The following IRF8 variants were observed in gnomAD, a reference collection of about 807,000 sequenced individuals.
IRF8 encodes the protein interferon consensus sequence binding protein 1.
In IRF8, 14 loss-of-function variants were observed where a neutral mutation model predicts 48.7. That is an observed-to-expected ratio of 0.29 (90% CI 0.19 to 0.45). The LOEUF (loss-of-function observed/expected upper bound fraction) is 0.45. Among genes scored for constraint, IRF8 ranks in the 20% least tolerant of loss-of-function variants. The pLI is 1.00. For synonymous variants in IRF8, 278 were observed against 227.3 expected, an observed-to-expected ratio of 1.22 and a Z score of -2.01; for missense variants, 493 against 580.7, an observed-to-expected ratio of 0.85 and a Z score of 1.55.
rs140514602 is a variant in IRF8 at position 85,914,488 on chromosome 16, C to G, written c.569C>G (p.Thr190Arg). The G allele has an allele frequency of 2.1e-5, 34 of 1,614,100 alleles. No homozygotes were observed. The highest frequency in any genetic ancestry group is 2.9e-5 in the Non-Finnish European group (34 of 1,179,984). Residue 190 changes from threonine (T) to arginine (R), a missense_variant, in exon 6 of 9, where the codon ACG (threonine) becomes AGG (arginine). By Grantham distance (71) the Thr-to-Arg change is moderately conservative. Coordinates refer to ENST00000268638, the MANE Select transcript of IRF8 (RefSeq NM_002163.4). The stretch of plus-strand genomic sequence containing the variant: ...TCTCCTGCAGGCGTGCCGCTGGTGA[C>G]GGGGTACACCACCTACGACGCGCAC... Reference protein sequence around the residue: ...QQPSTGVPLVTGYTTYDAHHS... With the variant: ...QQPSTGVPLVRGYTTYDAHHS...
At position 85,908,996 on chromosome 16, in the gene IRF8, G is replaced by A; in HGVS notation, c.181G>A (p.Ala61Thr). 1 of 1,613,806 alleles carries A rather than the reference G, an allele frequency of 6.2e-7. No homozygotes were observed. Among genetic ancestry groups the A allele is most frequent in the Non-Finnish European group, 8.5e-7 (1 of 1,179,724 alleles). The change falls in exon 3 of 9, where the codon GCA becomes ACA. Residue 61 changes from alanine to threonine, a missense_variant. This residue lies in a region of IRF8 where 31 missense variants were observed against 71.2 expected (regional missense o/e 0.44). Transcript: ENST00000268638. Reference protein sequence around the residue: ...EVDASIFKAWAVFKGKFKEGD... With the variant: ...EVDASIFKAWTVFKGKFKEGD... ...CTTCTGTTTCTTTCTTCAGGCCTGG[G>A]CAGTTTTTAAAGGGAAGTTTAAAGA...
chr16:85,913,585 C>T (rs529193243), intron 5 of IRF8, among the ~76,000 whole-genome samples: 1 of 152,210 alleles, frequency 6.6e-6, no homozygotes, highest in Non-Finnish European at 1.5e-5. Context: ...GCCACGCTGG[C>T]GCCCCCTCCC....
Position 85,902,545 on chromosome 16 carries a change from C to A in IRF8, c.-1-470C>A, listed in dbSNP as rs925359338. The A allele has an allele frequency of 5.2e-5, 12 of 229,858 alleles. No individual in the cohort carries two copies. In the East Asian group the frequency reaches 8.1e-4, roughly 16 times the overall value. The allele number at this position is 229,858 out of a possible 1,614,324, so 14.2% of individuals were successfully genotyped here. On this transcript the variant is annotated intron_variant, in intron 1 of 8. Coordinates refer to ENST00000268638, the MANE Select transcript of IRF8 (RefSeq NM_002163.4). ...CCTCCTCTTTCCCAGACGGCACGGA[C>A]GCAGTATTCTATCAGGGAATGTGGG...
At position 85,920,110 on chromosome 16, in the gene IRF8, G is replaced by A. The variant is rs1394142597; in HGVS notation, c.990G>A (p.Glu330=). The A allele has an allele frequency of 6.2e-7, 1 of 1,611,694 alleles. No homozygotes were observed. The highest frequency in any genetic ancestry group is 1.7e-5 in the Admixed American group (1 of 60,024). ...CACCCTCTGCCTGTGTCATTCCAGA[G>A]CTGCAGCAGTTCTATAACAGCCAGG... ...QVFDTSQFFR[E]LQQFYNSQGR... Residue 330 remains glutamate (E), a splice_region_variant and synonymous_variant, in exon 8 of 9, where the codon GAG becomes GAA. Coordinates refer to ENST00000268638, the MANE Select transcript of IRF8 (RefSeq NM_002163.4).
chr16:85,900,775 T>C (rs1904802766), intron 1 of IRF8, among the ~76,000 whole-genome samples: 2 of 152,260 alleles, frequency 1.3e-5, no homozygotes, highest in Non-Finnish European at 1.5e-5. Flanking sequence ...CTCTTCTCTT[T>C]TTCCTTTTAA....
rs1261942201 is a variant in IRF8 at position 85,918,552 on chromosome 16, G to T, written c.737G>T (p.Gly246Val). 3 of 1,603,254 alleles carry T rather than the reference G, an allele frequency of 1.9e-6. No homozygotes were observed. Among genetic ancestry groups the T allele is most frequent in the Non-Finnish European group, 2.5e-6 (3 of 1,179,124 alleles). ...LPGTKLYGPE[G>V]LELVRFPPAD... ...GGCACCAAGCTGTATGGGCCCGAGG[G>T]CCTGGAGCTGGTGCGCTTCCCGCCG... The change falls in exon 7 of 9, where the codon GGC becomes GTC. Residue 246 changes from glycine (G) to valine (V), a missense_variant. Physicochemically the swap from Gly to Val is moderately radical, Grantham distance 109 (BLOSUM62 -3). Transcript: ENST00000268638.
intron 1 of IRF8, among the ~76,000 whole-genome samples, chr16:85,902,027 C>T (rs1343500225): frequency 6.6e-6 from 1 of 150,772 alleles, no homozygotes; most frequent in African/African-American, 2.4e-5. Context: ...CATGCTAGTT[C>T]TCTCTCTCTT....
intron 3 of IRF8, 48 bp downstream of exon 3, chr16:85,909,221 T>C (rs1429090001): frequency 2.0e-6 from 3 of 1,534,082 alleles, no homozygotes; most frequent in Admixed American, 1.7e-5. Flanking sequence ...TGCCCTGGCC[T>C]GTAGCCTTCA....
chr16:85,909,612 A>G, intron 3 of IRF8: 1 of 245,862 alleles, frequency 4.1e-6, no homozygotes, highest in South Asian at 5.2e-5. Flanking sequence ...GAGATGGGAT[A>G]TGCCTCAGTG....
intron 3 of IRF8, among the ~76,000 whole-genome samples, chr16:85,911,353 A>AACC (rs994693282): frequency 1.3e-4 from 20 of 152,074 alleles, no homozygotes; most frequent in Admixed American, 7.2e-4. Context: ...TAGCAGAAAC[A>AACC]ACCACCACCA....
chr16:85,913,334 T>C (rs574962442), intron 5 of IRF8, 98 bp downstream of exon 5: 2 of 861,600 alleles, frequency 2.3e-6, no homozygotes, highest in African/African-American at 1.6e-5. Context: ...GTTGCTATCA[T>C]GATCCATGTC....
At chr16:85,921,055 C>T (rs1222899602) in intron 8 of IRF8, 51 bp from the exon 9 acceptor site, 3 of 1,553,718 alleles carry the variant, frequency 1.9e-6, no homozygotes, top group Admixed American at 1.9e-5. Flanking sequence ...CAGTGCCCAC[C>T]CCCTTTGGAG....
intron 8 of IRF8, among the ~76,000 whole-genome samples, 167 bp downstream of exon 8, chr16:85,920,391 C>T (rs1345429588): frequency 1.3e-5 from 2 of 152,090 alleles, no homozygotes; most frequent in Non-Finnish European, 2.9e-5. Flanking sequence ...GGACTACAGG[C>T]CCGTGCCACC....
At chr16:85,915,501 C>G (rs8054513) in intron 6 of IRF8, among the ~76,000 whole-genome samples, 15,703 of 152,292 alleles carry the variant, frequency 0.1, 1,050 homozygotes, top group Non-Finnish European at 0.14. Context: ...AAGCTCTTGT[C>G]TATTTCCTGG....
intron 1 of IRF8, chr16:85,902,606 G>A (rs916751586): frequency 2.3e-5 from 6 of 262,694 alleles, no homozygotes; most frequent in African/African-American, 8.8e-5. Context: ...TTGGTTCTTC[G>A]GATAATGGGC....
At chr16:85,902,948 T>A in intron 1 of IRF8, 67 bp from the exon 2 acceptor site, 1 of 1,565,064 alleles carries the variant, frequency 6.4e-7, no homozygotes, top group Non-Finnish European at 8.8e-7. Flanking sequence ...TGTTAGCAGT[T>A]TTTGGGTTGC....
intron 4 of IRF8, 88 bp downstream of exon 4, chr16:85,911,746 G>A: frequency 8.8e-7 from 1 of 1,137,176 alleles, no homozygotes; most frequent in East Asian, 2.4e-5. Flanking sequence ...CTTGCTGTAT[G>A]AAGGCAGCCA....
Position 85,921,149 on chromosome 16 carries a change from A to G in IRF8, c.1148A>G (p.Lys383Arg). The change falls in exon 9 of 9, where the codon AAG (lysine) becomes AGG (arginine). Residue 383 changes from lysine to arginine, a missense_variant. By Grantham distance (26) the Lys-to-Arg change is conservative. Coordinates refer to ENST00000268638, the MANE Select transcript of IRF8 (RefSeq NM_002163.4). ...CGGCAACTGGCAGAAGAGGCTGGGA[A>G]GAGCTGTGGAGCCGGCTCTGTGATG... ...YVRQLAEEAG[K>R]SCGAGSVMQA... 3 of 1,614,148 alleles carry G rather than the reference A, an allele frequency of 1.9e-6. No homozygotes were observed. Among genetic ancestry groups the G allele is most frequent in the Admixed American group, 3.3e-5 (2 of 60,020 alleles).
intron 1 of IRF8, among the ~76,000 whole-genome samples, chr16:85,899,466 A>T (rs562208133): frequency 6.6e-6 from 1 of 152,316 alleles, no homozygotes; most frequent in East Asian, 1.9e-4. Flanking sequence ...ATGCCTTTTT[A>T]AAAATCTCAT....
Sources: allele counts gnomAD v4.1 joint callset (sites outside exome capture counted in the v4.1 genomes callset), GRCh38; gene constraint gnomAD v4.1.1; regional missense constraint gnomAD v4.1.1; transcripts MANE v1.5; gene names NCBI Gene and HGNC (gene_info 2026-07-23, HGNC 2026-07-21).